Variants in EHMT1 observed in about 807,000 individuals in gnomAD.
EHMT1 encodes the protein euchromatic histone lysine methyltransferase 1.
A neutral mutation model predicts 147.2 loss-of-function variants in EHMT1; 15 were observed. The ratio of observed to expected loss-of-function variants is 0.10; its 90% CI spans 0.07 to 0.16. EHMT1 has a LOEUF of 0.16. Among genes scored for constraint, EHMT1 ranks in the 10% least tolerant of loss-of-function variants. EHMT1 has a pLI of 1.00. For missense variants in EHMT1, 1,587 were observed against 1,772.4 expected (o/e 0.90, Z 1.88); for synonymous variants, 795 against 709.6 (o/e 1.12, Z -1.91).
At chr9:137,758,291 C>T (rs548856889) in intron 9 of EHMT1, among the ~76,000 whole-genome samples, 3 of 152,346 alleles carry the variant, frequency 2.0e-5, no homozygotes, top group Non-Finnish European at 2.9e-5. Context: ...AGGCGTGCTC[C>T]GTGGAGGATT....
chr9:137,624,302 G>C (rs1386991026), intron 1 of EHMT1, among the ~76,000 whole-genome samples: 1 of 149,836 alleles, frequency 6.7e-6, no homozygotes. Flanking sequence ...CACTATGCCC[G>C]GCCTCTTTTT....
At chr9:137,619,079 C>CG in intron 1 of EHMT1, 30 bp downstream of exon 1, 3 of 723,506 alleles carry the variant, frequency 4.1e-6, no homozygotes, top group East Asian at 1.4e-4. Flanking sequence ...GGGGGCGGCG[C>CG]GGGGGCGGCG....
At chr9:137,686,525 G>A (rs889737659) in intron 1 of EHMT1, among the ~76,000 whole-genome samples, 4 of 151,778 alleles carry the variant, frequency 2.6e-5, no homozygotes, top group African/African-American at 9.7e-5. Context: ...GAGTAGCTGG[G>A]ACCACAGGTG....
chr9:137,721,020 CG>C (rs1564637327), intron 3 of EHMT1, among the ~76,000 whole-genome samples: 1 of 77,572 alleles, frequency 1.3e-5, no homozygotes, highest in East Asian at 2.6e-4. Flanking sequence ...CCGGCGTCCT[CG>C]CCAGCGTTAG....
intron 6 of EHMT1, among the ~76,000 whole-genome samples, chr9:137,749,534 A>G (rs146121699): frequency 2.4e-3 from 365 of 152,196 alleles, no homozygotes; most frequent in African/African-American, 8.5e-3. Flanking sequence ...TTCTGGGCTC[A>G]TGTGATCAAC....
intron 15 of EHMT1, chr9:137,788,133 AG>A: frequency 8.6e-7 from 1 of 1,158,906 alleles, no homozygotes; most frequent in Non-Finnish European, 1.2e-6. Context: ...AGAGGAGGGC[AG>A]GGGTGGGGTG....
chr9:137,780,272 A>G (rs1297723006), intron 14 of EHMT1, among the ~76,000 whole-genome samples: 2 of 137,572 alleles, frequency 1.5e-5, no homozygotes, highest in African/African-American at 5.6e-5. Context: ...ATGTGTGGTG[A>G]TGATGCTGGG....
intron 1 of EHMT1, among the ~76,000 whole-genome samples, chr9:137,707,278 C>T (rs1944349236): frequency 6.6e-6 from 1 of 152,110 alleles, no homozygotes. Context: ...CTAGGAGCAG[C>T]CCCTGGGCTA....
At position 137,782,896 on chromosome 9, in the gene EHMT1, G is replaced by A. The variant is rs559599287; in HGVS notation, c.2382+499G>A. 1.3e-5 allele frequency among the ~76,000 whole-genome samples: 2 copies of A among 152,104 alleles called. No homozygotes were observed. Among genetic ancestry groups the A allele is most frequent in the Admixed American group, 6.5e-5 (1 of 15,272 alleles). ...CTAATTTATTCTGAACCATCTGAAC[G>A]CTGCCCGCTTGTCTCTGGGTTCAGA... On this transcript the variant is annotated intron_variant, in intron 15 of 26. Transcript: ENST00000460843. This position sits in a 1 kb window ranked among gnomAD's most constrained non-coding sequence, Gnocchi z 5.7.
chr9:137,745,048 G>A (rs1028455801), intron 6 of EHMT1, among the ~76,000 whole-genome samples: 1 of 152,258 alleles, frequency 6.6e-6, no homozygotes, highest in African/African-American at 2.4e-5. Context: ...TATTGTTCGA[G>A]TGTGTCCAAC....
At chr9:137,654,899 C>T (rs888775815) in intron 1 of EHMT1, among the ~76,000 whole-genome samples, 1 of 152,158 alleles carries the variant, frequency 6.6e-6, no homozygotes, top group Admixed American at 6.6e-5. Flanking sequence ...ATGCCTATGG[C>T]TTAGACAGGC....
intron 25 of EHMT1, among the ~76,000 whole-genome samples, chr9:137,827,444 G>A (rs9410140): frequency 0.45 from 68,456 of 152,066 alleles, 18,444 homozygotes; most frequent in East Asian, 0.89. Flanking sequence ...ACCCACGCCC[G>A]GACCCCAGAC....
In EHMT1 at chr9:137,743,424, A is replaced by C. The variant is rs1180695378; in HGVS notation, c.877A>C (p.Met293Leu). 6.2e-7 allele frequency: 1 copy of C among 1,613,192 alleles called. No individual in the cohort carries two copies. The highest frequency in any genetic ancestry group is 1.7e-5 in the Admixed American group (1 of 59,998). ...AGTATCTCGGAAGAAAAAACGAAGA[A>C]TGGGAACCTATAGCCTGGTTCCTAA... The part of the protein sequence containing the change: ...AAVSRKKKRR[M>L]GTYSLVPKKK... Residue 293 changes from methionine to leucine, a missense_variant, in exon 5 of 27, where the codon ATG (methionine) becomes CTG (leucine). Met to Leu is a conservative substitution (Grantham distance 15, BLOSUM62 2). Transcript: ENST00000460843.
At chr9:137,709,043 A>G (rs1245127965) in intron 1 of EHMT1, among the ~76,000 whole-genome samples, 1 of 152,136 alleles carries the variant, frequency 6.6e-6, no homozygotes, top group African/African-American at 2.4e-5. Context: ...GCTGGTCAAG[A>G]GTTCAGTTGC....
At chr9:137,629,003 G>C (rs1042204129) in intron 1 of EHMT1, among the ~76,000 whole-genome samples, 5 of 151,548 alleles carry the variant, frequency 3.3e-5, no homozygotes, top group Non-Finnish European at 7.4e-5. Context: ...AAGCATGGTT[G>C]ATGGATTACT....
At chr9:137,728,191 T>A (rs896416022) in intron 3 of EHMT1, among the ~76,000 whole-genome samples, 158 bp from the exon 4 acceptor site, 1 of 152,240 alleles carries the variant, frequency 6.6e-6, no homozygotes, top group Admixed American at 6.5e-5. Context: ...TGAGGACAGC[T>A]GTGCTGTTTC....
At chr9:137,645,948 T>C (rs1192147645) in intron 1 of EHMT1, among the ~76,000 whole-genome samples, 1 of 152,166 alleles carries the variant, frequency 6.6e-6, no homozygotes, top group East Asian at 1.9e-4. Flanking sequence ...TTATTAAAAT[T>C]AGTTACTTCT....
At chr9:137,621,966 T>C (rs1342476315) in intron 1 of EHMT1, among the ~76,000 whole-genome samples, 1 of 151,996 alleles carries the variant, frequency 6.6e-6, no homozygotes, top group African/African-American at 2.4e-5. Context: ...TTTATTTTTT[T>C]CTTTTATTAT....
At chr9:137,661,363 T>C (rs1358740693) in intron 1 of EHMT1, among the ~76,000 whole-genome samples, 1 of 152,164 alleles carries the variant, frequency 6.6e-6, no homozygotes, top group Non-Finnish European at 1.5e-5. Flanking sequence ...ATTTTTTTCC[T>C]AGACTGCTCA....
Sources: gnomAD v4.1 joint callset for allele counts (sites outside exome capture counted in the v4.1 genomes callset) on GRCh38, gnomAD v4.1.1 for gene constraint, Gnocchi (gnomAD v3.1) non-coding constraint, MANE v1.5 for transcripts, NCBI Gene and HGNC (gene_info 2026-07-23, HGNC 2026-07-21) for gene names.